Variants in MEGF11 observed in about 807,000 individuals in gnomAD.
The protein encoded by MEGF11 is multiple epidermal growth factor-like domains protein 11.
In MEGF11, 126 loss-of-function variants were observed where a neutral mutation model predicts 146.6. The ratio of observed to expected loss-of-function variants is 0.86; its 90% CI spans 0.74 to 1.00. MEGF11 has a LOEUF of 1.00. Ranked by LOEUF, MEGF11 falls within the 50% of genes least tolerant of loss-of-function variation. MEGF11 has a pLI of 0.00. For missense variants in MEGF11, 1,509 were observed against 1,521.2 expected (o/e 0.99, Z 0.13); for synonymous variants, 532 against 583.4 (o/e 0.91, Z 1.27).
At chr15:66,127,317 G>T (rs2088402097) in intron 2 of MEGF11, among the ~76,000 whole-genome samples, 1 of 152,168 alleles carries the variant, frequency 6.6e-6, no homozygotes, top group Non-Finnish European at 1.5e-5. Flanking sequence ...ACAGGATCTG[G>T]TCTCCAGGGA....
At chr15:66,115,678 C>T (rs560715853) in intron 4 of MEGF11, among the ~76,000 whole-genome samples, 22 of 152,340 alleles carry the variant, frequency 1.4e-4, no homozygotes, top group Non-Finnish European at 2.5e-4. Flanking sequence ...ACCTGAGACA[C>T]GCCCTTATTT....
chr15:66,009,597 T>TC (rs59771200), intron 5 of MEGF11, among the ~76,000 whole-genome samples: 924 of 27,194 alleles, frequency 0.034, 16 homozygotes, highest in African/African-American at 0.061. Flanking sequence ...CATATGGTTT[T>TC]TTTTTTTTTT....
At chr15:65,907,897 C>T (rs1462016835) in intron 23 of MEGF11, among the ~76,000 whole-genome samples, 2 of 152,266 alleles carry the variant, frequency 1.3e-5, no homozygotes, top group Non-Finnish European at 2.9e-5. Flanking sequence ...GGGTGTAAGA[C>T]AAATGCCAGC....
intron 15 of MEGF11, among the ~76,000 whole-genome samples, chr15:65,918,348 C>G (rs1009919723): frequency 2.0e-5 from 3 of 152,204 alleles, no homozygotes; most frequent in African/African-American, 7.2e-5. Flanking sequence ...CAGCCTGAGG[C>G]CCATGGAGGT....
intron 5 of MEGF11, among the ~76,000 whole-genome samples, chr15:66,053,539 A>G (rs2084537512): frequency 6.6e-6 from 1 of 151,818 alleles, no homozygotes; most frequent in African/African-American, 2.4e-5. Context: ...TCTCCCTTAC[A>G]TTGCTGGTAA....
At chr15:66,189,870 T>C (rs72744483) in intron 1 of MEGF11, among the ~76,000 whole-genome samples, 3,680 of 152,182 alleles carry the variant, frequency 0.024, 61 homozygotes, top group Non-Finnish European at 0.038. Context: ...AATCGTATTC[T>C]TCTCAGGAGG....
chr15:66,030,163 C>T (rs987278972), intron 5 of MEGF11, among the ~76,000 whole-genome samples: 2 of 152,216 alleles, frequency 1.3e-5, no homozygotes, highest in Admixed American at 6.5e-5. Flanking sequence ...TTCTCGTGCA[C>T]ACAGGCCACA....
At chr15:66,031,265 G>T (rs979722642) in intron 5 of MEGF11, among the ~76,000 whole-genome samples, 1 of 152,158 alleles carries the variant, frequency 6.6e-6, no homozygotes, top group South Asian at 2.1e-4. Context: ...CGTGTTCCTC[G>T]ATGTTGGGTA....
intron 5 of MEGF11, among the ~76,000 whole-genome samples, chr15:65,987,451 ATTCTC>A (rs1263044581): frequency 4.6e-5 from 7 of 152,146 alleles, no homozygotes; most frequent in Non-Finnish European, 8.8e-5. Flanking sequence ...CCAAAATTTT[ATTCTC>A]TTAAGATTAT....
At chr15:66,124,683 T>C (rs1406107473) in intron 2 of MEGF11, among the ~76,000 whole-genome samples, 1 of 152,208 alleles carries the variant, frequency 6.6e-6, no homozygotes, top group Non-Finnish European at 1.5e-5. Flanking sequence ...GGGGGTACAT[T>C]GAGGATATGT....
intron 1 of MEGF11, among the ~76,000 whole-genome samples, chr15:66,163,847 C>A (rs1269147807): frequency 2.0e-5 from 3 of 152,232 alleles, no homozygotes; most frequent in African/African-American, 7.2e-5. Flanking sequence ...ATCCTCCCCG[C>A]ATGCACACGA....
chr15:66,232,881 C>T (rs1428954691), intron 1 of MEGF11, among the ~76,000 whole-genome samples: 3 of 152,152 alleles, frequency 2.0e-5, no homozygotes, highest in African/African-American at 7.2e-5. Context: ...GATGAGGAAA[C>T]AGAGGCTCAG....
chr15:65,964,933 G>A lies in MEGF11; in HGVS notation c.1087C>T (p.Pro363Ser), dbSNP rs1375452750. The stretch of plus-strand genomic sequence containing the variant: ...CTGATGGTGTTGTCAGCGTCACAGG[G>A]GCAGGGCAGGGTGCAGCCTGGGCCA... ...LHGPGCTLPC[P>S]CDADNTISCH... The change falls in exon 9 of 26, where the codon CCC (proline) becomes TCC (serine). Residue 363 changes from proline (P) to serine (S), a missense_variant. Pro to Ser is a moderately conservative substitution (Grantham distance 74, BLOSUM62 -1). Coordinates refer to ENST00000395614, the MANE Select transcript of MEGF11 (RefSeq NM_001385028.1). The A allele has an allele frequency of 5.7e-6, 9 of 1,571,152 alleles. No individual in the cohort carries two copies. Among genetic ancestry groups the A allele is most frequent in the Non-Finnish European group, 7.8e-6 (9 of 1,157,876 alleles).
At chr15:66,078,402 G>A (rs1354195716) in intron 5 of MEGF11, among the ~76,000 whole-genome samples, 2 of 152,220 alleles carry the variant, frequency 1.3e-5, no homozygotes, top group Non-Finnish European at 2.9e-5. Flanking sequence ...GAGGATGACT[G>A]GACTTCCCGG....
chr15:65,998,014 T>A (rs2082251961), intron 5 of MEGF11, among the ~76,000 whole-genome samples: 1 of 149,202 alleles, frequency 6.7e-6, no homozygotes, highest in Admixed American at 6.6e-5. Flanking sequence ...CTTGGTAGAG[T>A]CAAGGCACGG....
chr15:66,086,402 T>C (rs1246665573), intron 5 of MEGF11, among the ~76,000 whole-genome samples: 2 of 152,220 alleles, frequency 1.3e-5, no homozygotes, highest in Non-Finnish European at 2.9e-5. Flanking sequence ...TCTTAAGGGC[T>C]GTGAGACAGA....
intron 1 of MEGF11, among the ~76,000 whole-genome samples, chr15:66,166,291 C>T (rs1047174679): frequency 6.6e-6 from 1 of 152,120 alleles, no homozygotes; most frequent in African/African-American, 2.4e-5. Context: ...TTCCCACATC[C>T]CCACATCTAG....
At chr15:66,150,677 T>C (rs1364547620) in intron 1 of MEGF11, among the ~76,000 whole-genome samples, 1 of 150,416 alleles carries the variant, frequency 6.6e-6, no homozygotes, top group Non-Finnish European at 1.5e-5. Context: ...GGGAATCTGT[T>C]AGAATTTTAG....
chr15:65,914,893 T>A (rs1181165048), intron 19 of MEGF11, among the ~76,000 whole-genome samples: 10 of 152,204 alleles, frequency 6.6e-5, no homozygotes, highest in Non-Finnish European at 1.5e-4. Context: ...TGTTCACTTA[T>A]GGGCCAGGCA....
Sources: gnomAD v4.1 joint callset for allele counts (sites outside exome capture counted in the v4.1 genomes callset) on GRCh38, gnomAD v4.1.1 for gene constraint, MANE v1.5 for transcripts, NCBI Gene and HGNC (gene_info 2026-07-23, HGNC 2026-07-21) for gene names.